The following KCNJ15 variants were observed in gnomAD, a reference collection of about 807,000 sequenced individuals.
The protein encoded by KCNJ15 is potassium inwardly rectifying channel subfamily J member 15, also known as ATP-sensitive inward rectifier potassium channel 15.
A neutral mutation model predicts 23.0 loss-of-function variants in KCNJ15; 14 were observed. The ratio of observed to expected loss-of-function variants is 0.61; its 90% CI spans 0.40 to 0.95. The LOEUF (loss-of-function observed/expected upper bound fraction) is 0.95, where lower values mean the gene tolerates loss of function less well. Among genes scored for constraint, KCNJ15 ranks in the 40% least tolerant of loss-of-function variants. The pLI, the probability that KCNJ15 is intolerant of heterozygous loss-of-function variation, is 0.00. For synonymous variants in KCNJ15, 185 were observed against 183.2 expected (o/e 1.01, Z -0.08); for missense variants, 388 against 461.8 (o/e 0.84, Z 1.46).
chr21:38,260,344 A>G (rs1980751205), intron 1 of KCNJ15, among the ~76,000 whole-genome samples: 1 of 152,234 alleles, frequency 6.6e-6, no homozygotes, highest in Non-Finnish European at 1.5e-5. Context: ...GAATTCTGTC[A>G]CATGCCCAGG....
At chr21:38,238,194 AC>A in intron 1 of KCNJ15, 1 of 456,618 alleles carries the variant, frequency 2.2e-6, no homozygotes, top group East Asian at 5.1e-5. Context: ...GGGAAGCTCT[AC>A]CTTCTGCCCC....
chr21:38,277,108 A>G (rs1318074066), intron 1 of KCNJ15, among the ~76,000 whole-genome samples: 4 of 151,966 alleles, frequency 2.6e-5, no homozygotes, highest in Admixed American at 2.6e-4. Flanking sequence ...AAAAAAAAGG[A>G]AAGAAACTAG....
chr21:38,293,618 G>A (rs1276492597), intron 1 of KCNJ15, among the ~76,000 whole-genome samples: 1 of 152,208 alleles, frequency 6.6e-6, no homozygotes, highest in Admixed American at 6.5e-5. Context: ...ATCTCAACTG[G>A]TGCTTCCCCT....
At chr21:38,259,258 G>A (rs1448787388) in intron 1 of KCNJ15, among the ~76,000 whole-genome samples, 1 of 152,170 alleles carries the variant, frequency 6.6e-6, no homozygotes, top group Admixed American at 6.5e-5. Flanking sequence ...GTCCAGGATT[G>A]CTTATGAAAT....
chr21:38,241,335 A>G (rs778732851), intron 1 of KCNJ15, among the ~76,000 whole-genome samples: 3 of 152,118 alleles, frequency 2.0e-5, no homozygotes, highest in South Asian at 2.1e-4. Context: ...GCAGTGGAGT[A>G]TTGATTTTGT....
intron 2 of KCNJ15, among the ~76,000 whole-genome samples, chr21:38,298,923 A>G (rs1985451087): frequency 6.6e-6 from 1 of 151,762 alleles, no homozygotes. Context: ...TTTAATAGTA[A>G]CAAAACCCCT....
At chr21:38,272,497 A>G (rs966456855) in intron 1 of KCNJ15, 2 of 152,284 alleles carry the variant, frequency 1.3e-5, no homozygotes, top group African/African-American at 2.4e-5. Flanking sequence ...AGATCTCTTC[A>G]TCACTTCCCC....
intron 1 of KCNJ15, among the ~76,000 whole-genome samples, chr21:38,260,565 C>A (rs1033556051): frequency 1.3e-5 from 2 of 152,200 alleles, no homozygotes; most frequent in African/African-American, 4.8e-5. Flanking sequence ...ATGAAAAATT[C>A]TAAAGCACAA....
In KCNJ15 at chr21:38,302,866, C is replaced by G. The variant is rs983299995; in HGVS notation, c.*2477C>G. 6 of 152,142 alleles carry G rather than the reference C, an allele frequency of 3.9e-5. No homozygotes were observed. The highest frequency in any genetic ancestry group is 1.4e-4 in the African/African-American group (6 of 41,448). 9.4% of individuals were successfully genotyped at this position (152,142 alleles called of 1,614,324 possible). ...ATCATCTTATCTTTTGCTCTACACA[C>G]TCAAAACAAATATTGCAGCAGAAAT... is the stretch of plus-strand genomic sequence containing the variant. On this transcript the variant is annotated 3_prime_UTR_variant, in exon 3 of 3. Transcript: ENST00000398938.
At chr21:38,279,714 T>C (rs1054103246) in intron 1 of KCNJ15, among the ~76,000 whole-genome samples, 2 of 152,164 alleles carry the variant, frequency 1.3e-5, no homozygotes, top group Non-Finnish European at 2.9e-5. Context: ...CTTCTCCATA[T>C]CATTGACTCT....
intron 1 of KCNJ15, among the ~76,000 whole-genome samples, chr21:38,268,550 G>GAAAAAAAAAAAA (rs576709021): frequency 2.1e-5 from 1 of 47,232 alleles, no homozygotes; most frequent in Non-Finnish European, 5.1e-5. Flanking sequence ...CTTAAAATCT[G>GAAAAAAAAAAAA]AAAAAAAAAA....
chr21:38,270,269 C>A (rs1322415030), intron 1 of KCNJ15, among the ~76,000 whole-genome samples: 1 of 152,048 alleles, frequency 6.6e-6, no homozygotes, highest in Admixed American at 6.5e-5. Flanking sequence ...TTGGTGTATC[C>A]CATATCTCCA....
At chr21:38,262,946 G>T (rs1908844925) in intron 1 of KCNJ15, among the ~76,000 whole-genome samples, 1 of 152,130 alleles carries the variant, frequency 6.6e-6, no homozygotes, top group South Asian at 2.1e-4. Flanking sequence ...CCAAAGTGCT[G>T]GGATTACAGG....
intron 1 of KCNJ15, among the ~76,000 whole-genome samples, chr21:38,288,024 TTCTTTG>T (rs1984108042): frequency 1.0e-5 from 1 of 100,416 alleles, no homozygotes; most frequent in Non-Finnish European, 2.1e-5. Flanking sequence ...ACTTGTTTTT[TTCTTTG>T]TTTTTTTTTT....
chr21:38,290,995 A>AACACACACAC (rs57018976), intron 1 of KCNJ15, among the ~76,000 whole-genome samples: 1,631 of 127,250 alleles, frequency 0.013, 35 homozygotes, highest in African/African-American at 0.044. Context: ...AAAAAGGCTA[A>AACACACACAC]ACACACACAC....
chr21:38,252,520 C>A (rs1188131359), upstream of KCNJ15, among the ~76,000 whole-genome samples: 1 of 152,184 alleles, frequency 6.6e-6, no homozygotes, highest in Non-Finnish European at 1.5e-5. Context: ...ACTAAATTGA[C>A]ATGATACCAA....
At chr21:38,246,256 G>A (rs1979368763) in intron 1 of KCNJ15, among the ~76,000 whole-genome samples, 1 of 152,206 alleles carries the variant, frequency 6.6e-6, no homozygotes, top group Non-Finnish European at 1.5e-5. Context: ...TAATGGCTTA[G>A]GAATAAGAAT....
intron 1 of KCNJ15, among the ~76,000 whole-genome samples, chr21:38,262,977 C>T (rs565732528): frequency 3.3e-5 from 5 of 152,178 alleles, no homozygotes; most frequent in East Asian, 1.9e-4. Context: ...CGTGCCTGGC[C>T]GACATTGATA....
At chr21:38,262,576 A>G (rs141835321) in intron 1 of KCNJ15, among the ~76,000 whole-genome samples, 2 of 152,310 alleles carry the variant, frequency 1.3e-5, no homozygotes, top group African/African-American at 2.4e-5. Context: ...TTTCAAATCT[A>G]TAATTTTGAC....
Sources: gnomAD v4.1 joint callset for allele counts (sites outside exome capture counted in the v4.1 genomes callset) on GRCh38, gnomAD v4.1.1 for gene constraint, MANE v1.5 for transcripts, NCBI Gene and HGNC (gene_info 2026-07-23, HGNC 2026-07-21) for gene names.